Variants in TRPM8 observed in about 807,000 individuals in gnomAD.
The protein encoded by TRPM8 is TRPM8 cationic channel.
Under a neutral mutation model 133.7 loss-of-function variants are expected in TRPM8, and 110 were observed. That is an observed-to-expected ratio of 0.82 (90% CI 0.70 to 0.96). The LOEUF is 0.96. Among genes scored for constraint, TRPM8 ranks in the 40% least tolerant of loss-of-function variants. TRPM8 has a pLI of 0.00. For synonymous variants in TRPM8, 535 were observed against 532.3 expected, an observed-to-expected ratio of 1.01 and a Z score of -0.07; for missense variants, 1,291 against 1,379.5, an observed-to-expected ratio of 0.94 and a Z score of 1.02.
chr2:233,932,853 C>A (rs898421625), intron 3 of TRPM8, among the ~76,000 whole-genome samples: 1 of 150,854 alleles, frequency 6.6e-6, no homozygotes, highest in African/African-American at 2.4e-5. Flanking sequence ...CAGACAAGGG[C>A]ATCAAATGAA....
intron 24 of TRPM8, among the ~76,000 whole-genome samples, chr2:234,012,802 G>A (rs181547298): frequency 1.3e-3 from 204 of 151,604 alleles, no homozygotes; most frequent in Non-Finnish European, 2.2e-3. Flanking sequence ...ATTTTGTTGA[G>A]AGTCTTTTTT....
chr2:233,927,720 TTCTTTCTTTCTTTC>T (rs1691550295), intron 2 of TRPM8, among the ~76,000 whole-genome samples: 1 of 20,500 alleles, frequency 4.9e-5, no homozygotes, highest in African/African-American at 5.1e-4. Flanking sequence ...CTTTCTTTCT[TTCTTTCTTTCTTTC>T]TTTCTTTCTT....
At chr2:233,977,715 T>A (rs1448521669) in intron 17 of TRPM8, among the ~76,000 whole-genome samples, 1 of 152,176 alleles carries the variant, frequency 6.6e-6, no homozygotes, top group African/African-American at 2.4e-5. Context: ...TTGAACTGAG[T>A]GAATAGGGTG....
intron 21 of TRPM8, among the ~76,000 whole-genome samples, chr2:233,986,085 G>C (rs1692142662): frequency 6.6e-6 from 1 of 152,242 alleles, no homozygotes; most frequent in Admixed American, 6.5e-5. Flanking sequence ...ACAAGCACCT[G>C]TGACAATCTT....
Position 233,964,616 on chromosome 2 carries a change from C to T in TRPM8, c.1750-12C>T, listed in dbSNP as rs771695149. The T allele has an allele frequency of 2.7e-6, 4 of 1,507,526 alleles. No individual in the cohort carries two copies. The highest frequency in any genetic ancestry group is 3.6e-6 in the Non-Finnish European group (4 of 1,126,364). 93.4% of individuals were successfully genotyped at this position (1,507,526 alleles called of 1,614,324 possible). ...AAGAATTAACCTTAAAATTCTTCACCCCCCTAAAAAGACCAGGGGCTGCAC... is the reference window on the plus strand; with the variant it reads ...AAGAATTAACCTTAAAATTCTTCACTCCCCTAAAAAGACCAGGGGCTGCAC... On this transcript the variant is annotated splice_polypyrimidine_tract_variant and intron_variant, in intron 13 of 25. Transcript: ENST00000324695.
At chr2:233,939,245 A>G in intron 5 of TRPM8, 70 bp downstream of exon 5, 1 of 1,544,498 alleles carries the variant, frequency 6.5e-7, no homozygotes, top group South Asian at 1.2e-5. Context: ...CAGAGAAGGC[A>G]GTTCCCGTGT....
chr2:233,925,687 T>G lies in TRPM8; in HGVS notation c.-5-846T>G, dbSNP rs540800074. ...TGTGGTGGGACAGACAGGGAGGAGC[T>G]TGGAGCCAGGAGGAGGGGACTCAGG... On this transcript the variant is annotated intron_variant, in intron 1 of 25. Coordinates refer to ENST00000324695, the MANE Select transcript of TRPM8 (RefSeq NM_024080.5). 1.5e-3 allele frequency among the ~76,000 whole-genome samples: 228 copies of G among 151,836 alleles called. 1 individual carries two copies. The highest frequency in any genetic ancestry group is 5.5e-3 in the African/African-American group (227 of 41,454).
intron 24 of TRPM8, among the ~76,000 whole-genome samples, chr2:234,011,759 A>C (rs1692842892): frequency 1.3e-5 from 2 of 151,930 alleles, no homozygotes; most frequent in South Asian, 4.2e-4. Context: ...TCTACTAAAA[A>C]CAGAAAAATT....
intron 17 of TRPM8, chr2:233,970,627 T>C (rs2091516266): frequency 1.7e-6 from 1 of 594,910 alleles, no homozygotes; most frequent in African/African-American, 1.9e-5. Flanking sequence ...TAGTACCAAG[T>C]TTATTCTTTG....
intron 17 of TRPM8, among the ~76,000 whole-genome samples, chr2:233,970,979 A>C (rs1161398770): frequency 6.6e-6 from 1 of 152,108 alleles, no homozygotes; most frequent in Non-Finnish European, 1.5e-5. Context: ...CTAGCTCAGG[A>C]CTCATGTGTA....
intron 11 of TRPM8, among the ~76,000 whole-genome samples, chr2:233,956,404 T>A (rs1264825178): frequency 6.6e-6 from 1 of 152,240 alleles, no homozygotes; most frequent in East Asian, 1.9e-4. Flanking sequence ...TTTCCAGCAG[T>A]ATCCTCCCGT....
chr2:233,935,185 A>T (rs1421827543), intron 3 of TRPM8, among the ~76,000 whole-genome samples: 1 of 152,258 alleles, frequency 6.6e-6, no homozygotes, highest in Non-Finnish European at 1.5e-5. Flanking sequence ...TGTGCCAGAA[A>T]CATGGGGACA....
chr2:233,946,018 C>A lies in TRPM8; in HGVS notation c.862C>A (p.Arg288Ser), dbSNP rs141984026. 1 of 1,613,994 alleles carries A rather than the reference C, an allele frequency of 6.2e-7. No homozygotes were observed. The highest frequency in any genetic ancestry group is 8.5e-7 in the Non-Finnish European group (1 of 1,179,910). Residue 288 changes from arginine (R) to serine (S), a missense_variant, in exon 7 of 26, where the codon CGC becomes AGC. Around this residue, in one of 2 missense-constraint regions of TRPM8, gnomAD observed 963 missense variants for 968.9 expected, o/e 0.99. Transcript: ENST00000324695. ...TCAGCTAGAGAAGTATATCTCTGAG[C>A]GCACTATTCAAGGTCAGTGGTTAGG... ...RNQLEKYISE[R>S]TIQDSNYGGK...
chr2:233,941,057 C>T lies in TRPM8; in HGVS notation c.527-1519C>T, dbSNP rs556377146. Among the ~76,000 whole-genome samples, 11 of 152,226 alleles carry T rather than the reference C, an allele frequency of 7.2e-5. No homozygotes were observed. In the South Asian group the frequency reaches 1.2e-3, roughly 17 times the overall value. ...AGGTCATCTCTTGGGCATTTGTGCA[C>T]GCCCTGTTGAAGAGTCAATGGTCTC... On this transcript the variant is annotated intron_variant, in intron 5 of 25. Transcript: ENST00000324695.
intron 2 of TRPM8, among the ~76,000 whole-genome samples, chr2:233,927,759 T>TTCC (rs1559515965): frequency 2.9e-5 from 2 of 68,866 alleles, no homozygotes; most frequent in African/African-American, 4.0e-4. Context: ...TCTTTCTTTC[T>TTCC]TTCTTTCTTT....
chr2:233,935,449 A>G (rs1691771548), intron 3 of TRPM8, among the ~76,000 whole-genome samples: 1 of 152,188 alleles, frequency 6.6e-6, no homozygotes, highest in African/African-American at 2.4e-5. Flanking sequence ...TGAATGGCTG[A>G]CCACAAACTT....
intron 21 of TRPM8, among the ~76,000 whole-genome samples, chr2:233,994,515 C>A (rs914178010): frequency 6.6e-6 from 1 of 152,134 alleles, no homozygotes; most frequent in Admixed American, 6.5e-5. Flanking sequence ...TTTTAAGGAT[C>A]TCACCCTGTT....
intron 8 of TRPM8, 123 bp from the exon 9 acceptor site, chr2:233,949,826 C>A (rs1446090161): frequency 2.6e-6 from 2 of 763,622 alleles, no homozygotes; most frequent in Non-Finnish European, 4.2e-6. Flanking sequence ...AATAAAAGCC[C>A]CAAAGGAAAA....
rs542638095 is a variant in TRPM8, at chr2:234,006,743, G to A, written c.3131-110G>A. The A allele has an allele frequency of 1.4e-4, 101 of 745,228 alleles. 1 individual carries two copies. The highest frequency in any genetic ancestry group is 1.8e-4 in the Non-Finnish European group (80 of 444,808). The allele number at this position is 745,228 out of a possible 1,614,324, so 46.2% of individuals were successfully genotyped here. A position where few individuals can be genotyped will look rare whatever the true frequency, so the allele number is the denominator to read the frequency against. On this transcript the variant is annotated intron_variant, in intron 22 of 25. Coordinates refer to ENST00000324695, the MANE Select transcript of TRPM8 (RefSeq NM_024080.5). ...TCAGTCAAACCAGCCTGTGCAGGAC[G>A]AATCTCATTCTTAGTTCTAGAGTCT...
Sources: allele counts gnomAD v4.1 joint callset (sites outside exome capture counted in the v4.1 genomes callset), GRCh38; gene constraint gnomAD v4.1.1; regional missense constraint gnomAD v4.1.1; transcripts MANE v1.5; gene names NCBI Gene and HGNC (gene_info 2026-07-23, HGNC 2026-07-21).